SIAH3: variants seen among roughly 807,000 people sequenced by gnomAD.
SIAH3 encodes siah E3 ubiquitin protein ligase family member 3, also known as seven in absentia homolog 3.
A neutral mutation model predicts 12.6 loss-of-function variants in SIAH3; 9 were observed. That is an observed-to-expected ratio of 0.72 (90% confidence interval 0.43 to 1.25). The LOEUF is 1.25. Ranked by LOEUF, SIAH3 falls within the 50% of genes most tolerant of loss-of-function variation. The pLI, the probability that SIAH3 is intolerant of heterozygous loss-of-function variation, is 0.00. For synonymous variants in SIAH3, 154 were observed against 151.1 expected, an observed-to-expected ratio of 1.02 and a Z score of -0.14; for missense variants, 390 against 365.4, an observed-to-expected ratio of 1.07 and a Z score of -0.55.
At chr13:45,829,449 TA>T (rs918149481) in intron 1 of SIAH3, among the ~76,000 whole-genome samples, 3 of 151,662 alleles carry the variant, frequency 2.0e-5, no homozygotes, top group African/African-American at 4.8e-5. Flanking sequence ...CAAAAAATAA[TA>T]AAAAAAATAT....
At chr13:45,822,252 C>G (rs1436914372) in intron 1 of SIAH3, among the ~76,000 whole-genome samples, 2 of 152,024 alleles carry the variant, frequency 1.3e-5, no homozygotes, top group Non-Finnish European at 1.5e-5. Context: ...AAATTGCTGT[C>G]TTTCTAGAAT....
intron 1 of SIAH3, among the ~76,000 whole-genome samples, chr13:45,823,270 T>G (rs1421808241): frequency 6.6e-6 from 1 of 152,160 alleles, no homozygotes; most frequent in Non-Finnish European, 1.5e-5. Context: ...ACTTAATCGG[T>G]CTGGGGTGGG....
chr13:45,783,659 T>C lies in SIAH3; in HGVS notation c.534A>G (p.Glu178=), dbSNP rs1950514242. The change falls in exon 2 of 2, where the codon GAA becomes GAG. Residue 178 remains glutamate (E), a synonymous_variant. Coordinates refer to ENST00000400405, the MANE Select transcript of SIAH3 (RefSeq NM_198849.3). Reference sequence around the variant, plus strand: ...TGGTGGCAAAGAACTGGGGGTGCCCTTCATGCCTCTCCTGTTTCCTCAGCA... The same window carrying C: ...TGGTGGCAAAGAACTGGGGGTGCCCCTCATGCCTCTCCTGTTTCCTCAGCA... ...LLVLRKQERH[E]GHPQFFATMM... is the part of the protein sequence containing the mutation. 6.2e-7 allele frequency: 1 copy of C among 1,614,010 alleles called. No homozygotes were observed. The highest frequency in any genetic ancestry group is 8.5e-7 in the Non-Finnish European group (1 of 1,179,912).
rs868403196 is a variant in SIAH3 at position 45,778,071 on chromosome 13, G to A, written c.*5312C>T. 8 of 152,256 alleles carry A rather than the reference G, an allele frequency of 5.3e-5. No homozygotes were observed. The highest frequency in any genetic ancestry group is 1.9e-4 in the African/African-American group (8 of 41,548). The allele number at this position is 152,256 out of a possible 1,614,324, so 9.4% of individuals were successfully genotyped here. ...GTAGCCAAGTAGGAAAGTAAGGCCC[G>A]GGGCCCTGTTCTTCATGTGACATTC... On this transcript the variant is annotated 3_prime_UTR_variant, in exon 2 of 2. Transcript: ENST00000400405.
At chr13:45,806,159 G>A (rs1206479308) in intron 1 of SIAH3, among the ~76,000 whole-genome samples, 7 of 152,170 alleles carry the variant, frequency 4.6e-5, no homozygotes, top group African/African-American at 1.2e-4. Context: ...GCAGTTTGGA[G>A]ATTTCTCAAA....
At chr13:45,789,437 C>A (rs895443688) in intron 1 of SIAH3, among the ~76,000 whole-genome samples, 4 of 151,930 alleles carry the variant, frequency 2.6e-5, no homozygotes, top group Non-Finnish European at 5.9e-5. Flanking sequence ...GACAGAGTCT[C>A]ACTCTGTCAC....
chr13:45,829,001 A>G (rs1253374786), intron 1 of SIAH3, among the ~76,000 whole-genome samples: 1 of 152,178 alleles, frequency 6.6e-6, no homozygotes, highest in Non-Finnish European at 1.5e-5. Flanking sequence ...GTTTCAAAGC[A>G]TTTTAATAAG....
intron 1 of SIAH3, among the ~76,000 whole-genome samples, chr13:45,788,463 A>G (rs937766634): frequency 4.6e-5 from 7 of 152,226 alleles, no homozygotes; most frequent in Non-Finnish European, 1.0e-4. Context: ...TCCCATTTGG[A>G]AGAGAGATCT....
intron 1 of SIAH3, among the ~76,000 whole-genome samples, chr13:45,790,952 T>A (rs1163887275): frequency 1.3e-5 from 2 of 152,152 alleles, no homozygotes; most frequent in Non-Finnish European, 2.9e-5. Context: ...GAGGCTGAGA[T>A]GGGCGGATCA....
chr13:45,842,176 A>G (rs544878115), intron 1 of SIAH3, among the ~76,000 whole-genome samples: 2 of 152,226 alleles, frequency 1.3e-5, no homozygotes, highest in South Asian at 2.1e-4. Flanking sequence ...TCCCTCCAAC[A>G]TACAGTTGGA....
chr13:45,795,471 C>T (rs1029354559), intron 1 of SIAH3, among the ~76,000 whole-genome samples: 4 of 152,188 alleles, frequency 2.6e-5, no homozygotes, highest in Admixed American at 6.5e-5. Flanking sequence ...CAAATGCCTC[C>T]GTATAGACTG....
chr13:45,825,830 C>T (rs962355373), intron 1 of SIAH3, among the ~76,000 whole-genome samples: 6 of 152,266 alleles, frequency 3.9e-5, no homozygotes, highest in Middle Eastern at 3.4e-3. Context: ...GTAGGACAGC[C>T]CTACCCCAGC....
At chr13:45,848,959 C>T (rs886352393) in intron 1 of SIAH3, among the ~76,000 whole-genome samples, 10 of 152,182 alleles carry the variant, frequency 6.6e-5, no homozygotes, top group Non-Finnish European at 1.2e-4. Flanking sequence ...GGCATATTTC[C>T]GTGGTCTGTT....
chr13:45,826,360 GAT>G (rs1950674922), intron 1 of SIAH3, among the ~76,000 whole-genome samples: 3 of 2,804 alleles, frequency 1.1e-3, no homozygotes, highest in African/African-American at 2.8e-3. Flanking sequence ...TGGGTGGATG[GAT>G]GGATGGATGG....
chr13:45,832,653 T>C (rs1368233840), intron 1 of SIAH3, among the ~76,000 whole-genome samples: 1 of 152,222 alleles, frequency 6.6e-6, no homozygotes, highest in East Asian at 1.9e-4. Flanking sequence ...AACATCCGTT[T>C]GACTTTTTAT....
At chr13:45,850,914 C>T in intron 1 of SIAH3, among the ~76,000 whole-genome samples, 1 of 129,332 alleles carries the variant, frequency 7.7e-6, no homozygotes, top group East Asian at 2.3e-4. Flanking sequence ...AAAATCCTCC[C>T]GACACCACAC....
At chr13:45,791,166 G>GA (rs57326384) in intron 1 of SIAH3, among the ~76,000 whole-genome samples, 28 of 140,998 alleles carry the variant, frequency 2.0e-4, no homozygotes, top group South Asian at 2.2e-4. Flanking sequence ...CTGTCTCAAA[G>GA]AAAAAAAAAA....
intron 1 of SIAH3, among the ~76,000 whole-genome samples, chr13:45,843,138 G>A (rs148768123): frequency 7.1e-4 from 108 of 151,660 alleles, no homozygotes; most frequent in Non-Finnish European, 1.3e-3. Flanking sequence ...ATGACAGTGG[G>A]ATCTAGGAGT....
intron 1 of SIAH3, among the ~76,000 whole-genome samples, chr13:45,815,287 G>C (rs7986470): frequency 0.077 from 11,632 of 151,738 alleles, 1,444 homozygotes; most frequent in African/African-American, 0.27. Flanking sequence ...GTAAGACTTT[G>C]AGTGAGGCAG....
Sources: allele counts gnomAD v4.1 joint callset (sites outside exome capture counted in the v4.1 genomes callset), GRCh38; gene constraint gnomAD v4.1.1; transcripts MANE v1.5; gene names NCBI Gene and HGNC (gene_info 2026-07-23, HGNC 2026-07-21).